Variants in NEBL observed in about 807,000 individuals in gnomAD.
The protein encoded by NEBL is LIM and SH3 protein 2.
In NEBL, 122 loss-of-function variants were observed where a neutral mutation model predicts 140.2. The observed-to-expected ratio is 0.87, with a 90% CI of 0.75 to 1.01. The LOEUF (loss-of-function observed/expected upper bound fraction) is 1.01, where lower values mean the gene tolerates loss of function less well. Among genes scored for constraint, NEBL ranks in the 50% least tolerant of loss-of-function variants. NEBL has a pLI of 0.00. For synonymous variants in NEBL, 436 were observed against 398.9 expected, an observed-to-expected ratio of 1.09 and a Z score of -1.11; for missense variants, 1,365 against 1,231.3, an observed-to-expected ratio of 1.11 and a Z score of -1.62.
chr10:21,051,252 T>C (rs1014361307), intron 2 of NEBL, among the ~76,000 whole-genome samples: 11 of 152,238 alleles, frequency 7.2e-5, no homozygotes, highest in African/African-American at 2.7e-4. Context: ...ATTGTAATTC[T>C]CATTTGTAAT....
At chr10:21,130,562 A>G (rs1431722920) in intron 2 of NEBL, among the ~76,000 whole-genome samples, 1 of 152,218 alleles carries the variant, frequency 6.6e-6, no homozygotes, top group African/African-American at 2.4e-5. Context: ...TCACAATGAA[A>G]TTAAACTAGA....
intron 4 of NEBL, among the ~76,000 whole-genome samples, chr10:20,929,561 T>C (rs1180320743): frequency 6.6e-6 from 1 of 152,076 alleles, no homozygotes; most frequent in Non-Finnish European, 1.5e-5. Context: ...ACATACACCA[T>C]GGAATACTAC....
intron 4 of NEBL, among the ~76,000 whole-genome samples, chr10:20,911,447 T>G (rs1848329058): frequency 6.6e-6 from 1 of 152,182 alleles, no homozygotes; most frequent in Non-Finnish European, 1.5e-5. Flanking sequence ...TCTCTTTGTA[T>G]TATGATTACA....
chr10:20,948,038 G>A (rs900604295), intron 4 of NEBL, among the ~76,000 whole-genome samples: 4 of 152,216 alleles, frequency 2.6e-5, no homozygotes, highest in Non-Finnish European at 1.5e-5. Flanking sequence ...ATTTGTGCTG[G>A]GCCACATTCA....
chr10:21,132,192 T>C (rs1269942679), intron 2 of NEBL, among the ~76,000 whole-genome samples: 1 of 152,238 alleles, frequency 6.6e-6, no homozygotes. Context: ...TCTGTTTCTA[T>C]GGATTTGCCT....
intron 2 of NEBL, among the ~76,000 whole-genome samples, chr10:21,123,739 A>G (rs1589257584): frequency 6.7e-6 from 1 of 148,880 alleles, no homozygotes; most frequent in Admixed American, 6.7e-5. Context: ...ATATATATAT[A>G]TCATCTCAAA....
rs148647782 is a variant in NEBL at position 20,904,395 on chromosome 10, G to A, written c.357+57277C>T. Among the ~76,000 whole-genome samples, 744 of 152,180 alleles carry A rather than the reference G, an allele frequency of 4.9e-3. 4 individuals are homozygous for A. The highest frequency in any genetic ancestry group is 7.7e-3 in the Admixed American group (118 of 15,282). On this transcript the variant is annotated intron_variant, in intron 4 of 6. Transcript: ENST00000417816. Reference sequence around the variant, plus strand: ...TTAATGAGTTAAAAATCTTTGAAACGTGTTTATGTTTTATGAGAGTCATGA... The same window carrying A: ...TTAATGAGTTAAAAATCTTTGAAACATGTTTATGTTTTATGAGAGTCATGA...
Position 21,215,332 on chromosome 10 carries a change from T to A in NEBL, n.348+32589A>T, listed in dbSNP as rs1054449679. On this transcript the variant is annotated intron_variant and non_coding_transcript_variant, in intron 3 of 8. Coordinates refer to the NEBL transcript ENST00000675702. ...TCTTTTAAAAAGAGTTTTTAAAAGATCTGCACAAATGAAGAATATGTGTTT... is the reference window on the plus strand; with the variant it reads ...TCTTTTAAAAAGAGTTTTTAAAAGAACTGCACAAATGAAGAATATGTGTTT... Among the ~76,000 whole-genome samples the A allele has an allele frequency of 3.9e-5, 6 of 152,158 alleles. No homozygotes were observed. The South Asian group carries it at 1.2e-3, about 32-fold the overall frequency.
At chr10:21,110,381 A>G (rs1240274693) in intron 2 of NEBL, among the ~76,000 whole-genome samples, 2 of 152,168 alleles carry the variant, frequency 1.3e-5, no homozygotes, top group Admixed American at 1.3e-4. Context: ...CATAGTATGC[A>G]TTCAAGAAAT....
intron 3 of NEBL, among the ~76,000 whole-genome samples, chr10:21,010,595 C>A (rs764719612): frequency 2.8e-5 from 4 of 141,798 alleles, no homozygotes; most frequent in Non-Finnish European, 5.9e-5. Context: ...CATAATCAAG[C>A]AAAGCCATTC....
At chr10:21,089,088 G>A (rs773671707) in intron 2 of NEBL, among the ~76,000 whole-genome samples, 15 of 152,144 alleles carry the variant, frequency 9.9e-5, no homozygotes, top group South Asian at 6.2e-4. Flanking sequence ...GTGTTAAGGA[G>A]GTCAAGTTGA....
intron 18 of NEBL, among the ~76,000 whole-genome samples, chr10:20,825,336 A>T (rs1417869938): frequency 6.6e-6 from 1 of 152,120 alleles, no homozygotes; most frequent in Non-Finnish European, 1.5e-5. Flanking sequence ...GGATTTAAAG[A>T]ACGAATCCTT....
chr10:20,850,576 T>C lies in NEBL; in HGVS notation c.1009-74A>G, dbSNP rs970644841. The C allele has an allele frequency of 6.5e-6, 6 of 930,198 alleles. No individual in the cohort carries two copies. The African/African-American group carries it at 9.8e-5, about 15-fold the overall frequency. The allele number at this position is 930,198 out of a possible 1,614,324, so 57.6% of individuals were successfully genotyped here. The stretch of plus-strand genomic sequence containing the variant: ...ACAGAGCAAACTAAGAAAAAATATA[T>C]GTTCTAAACTAGTCATCTTGTTGTC... On this transcript the variant is annotated intron_variant, in intron 10 of 27. Coordinates refer to ENST00000377122, the MANE Select transcript of NEBL (RefSeq NM_006393.3).
intron 10 of NEBL, among the ~76,000 whole-genome samples, chr10:20,851,839 T>C (rs113131794): frequency 6.6e-6 from 1 of 152,156 alleles, no homozygotes; most frequent in African/African-American, 2.4e-5. Context: ...TTAGAAATGA[T>C]GTATATTTCC....
intron 1 of NEBL, among the ~76,000 whole-genome samples, chr10:21,275,320 C>T (rs1588589183): frequency 6.6e-6 from 1 of 152,198 alleles, no homozygotes; most frequent in East Asian, 1.9e-4. Context: ...TGGGCGTTTT[C>T]TGTCTCAGGC....
At chr10:21,162,716 A>C (rs549987186) in intron 2 of NEBL, among the ~76,000 whole-genome samples, 1 of 152,230 alleles carries the variant, frequency 6.6e-6, no homozygotes, top group Non-Finnish European at 1.5e-5. Context: ...CATACAAAGC[A>C]GGCTCTTTGA....
At chr10:20,813,531 T>C (rs546538772) in intron 23 of NEBL, among the ~76,000 whole-genome samples, 1 of 152,312 alleles carries the variant, frequency 6.6e-6, no homozygotes, top group African/African-American at 2.4e-5. Flanking sequence ...GCAAACTTTA[T>C]GGTAGGTAAA....
At chr10:21,247,388 A>G (rs1030466130) in intron 3 of NEBL, among the ~76,000 whole-genome samples, 1 of 152,222 alleles carries the variant, frequency 6.6e-6, no homozygotes, top group East Asian at 1.9e-4. Context: ...TTCACTTGAC[A>G]TTCGCTAGAA....
intron 3 of NEBL, among the ~76,000 whole-genome samples, chr10:20,999,966 C>A (rs1054369609): frequency 6.6e-6 from 1 of 152,018 alleles, no homozygotes; most frequent in Admixed American, 6.6e-5. Flanking sequence ...CAAGACGACG[C>A]CAGTAAGTGA....
Sources: gnomAD v4.1 joint callset for allele counts (sites outside exome capture counted in the v4.1 genomes callset) on GRCh38, gnomAD v4.1.1 for gene constraint, MANE v1.5 for transcripts, NCBI Gene and HGNC (gene_info 2026-07-23, HGNC 2026-07-21) for gene names.